KLHL1: variants seen among roughly 807,000 people sequenced by gnomAD.
KLHL1 encodes the protein kelch like family member 1.
In KLHL1, 47 loss-of-function variants were observed where a neutral mutation model predicts 77.7. The observed-to-expected ratio is 0.60, with a 90% CI of 0.48 to 0.77. The LOEUF is 0.77. Among genes scored for constraint, KLHL1 ranks in the 30% least tolerant of loss-of-function variants. KLHL1 has a pLI of 0.00. For missense variants in KLHL1, 925 were observed against 910.8 expected, an observed-to-expected ratio of 1.02 and a Z score of -0.20; for synonymous variants, 360 against 325.2, an observed-to-expected ratio of 1.11 and a Z score of -1.15.
At chr13:69,818,217 A>ATTTTTTTTTTTTTTTTTTTTTT (rs1878195724) in intron 6 of KLHL1, among the ~76,000 whole-genome samples, 1 of 124,430 alleles carries the variant, frequency 8.0e-6, no homozygotes, top group African/African-American at 3.9e-5. Flanking sequence ...ACTCATAGGC[A>ATTTTTTTTTTTTTTTTTTTTTT]TCTTTTTTTT....
intron 8 of KLHL1, among the ~76,000 whole-genome samples, chr13:69,727,929 A>C (rs1190161841): frequency 6.6e-6 from 1 of 151,870 alleles, no homozygotes; most frequent in Admixed American, 6.6e-5. Context: ...ACTCCCTGCC[A>C]AACTTAAATT....
chr13:69,935,876 A>C (rs17085700), intron 4 of KLHL1, among the ~76,000 whole-genome samples: 6,003 of 152,288 alleles, frequency 0.039, 253 homozygotes, highest in African/African-American at 0.1. Context: ...ATGTATTACA[A>C]GATACTAGAC....
At chr13:70,088,508 C>A (rs1329906030) in intron 1 of KLHL1, among the ~76,000 whole-genome samples, 1 of 152,086 alleles carries the variant, frequency 6.6e-6, no homozygotes, top group Non-Finnish European at 1.5e-5. Flanking sequence ...AACAAGACTT[C>A]AACTCTATAA....
At chr13:70,043,053 G>A (rs1886414082) in intron 1 of KLHL1, among the ~76,000 whole-genome samples, 1 of 152,108 alleles carries the variant, frequency 6.6e-6, no homozygotes, top group African/African-American at 2.4e-5. Flanking sequence ...TTATAGGCGT[G>A]AGCCACCACG....
intron 7 of KLHL1, among the ~76,000 whole-genome samples, chr13:69,776,803 GTTAAA>G (rs1875849910): frequency 6.6e-6 from 1 of 152,162 alleles, no homozygotes; most frequent in African/African-American, 2.4e-5. Flanking sequence ...AACTTCTGTA[GTTAAA>G]TTAATATTTT....
At chr13:69,874,952 G>A (rs139265354) in intron 5 of KLHL1, among the ~76,000 whole-genome samples, 1 of 152,042 alleles carries the variant, frequency 6.6e-6, no homozygotes. Context: ...AGAAATTTAG[G>A]ACTACAGGTA....
At chr13:69,874,271 T>C (rs1170590599) in intron 5 of KLHL1, among the ~76,000 whole-genome samples, 1 of 152,158 alleles carries the variant, frequency 6.6e-6, no homozygotes, top group Admixed American at 6.6e-5. Flanking sequence ...TTGGTACTAA[T>C]GGACTATATA....
intron 5 of KLHL1, among the ~76,000 whole-genome samples, chr13:69,842,917 A>T (rs1247819944): frequency 6.6e-6 from 1 of 151,680 alleles, no homozygotes; most frequent in African/African-American, 2.4e-5. Context: ...TCATTATCTT[A>T]AGTGAAATAA....
chr13:69,705,909 A>G (rs1875605043), intron 10 of KLHL1, among the ~76,000 whole-genome samples: 1 of 151,746 alleles, frequency 6.6e-6, no homozygotes, highest in Admixed American at 6.6e-5. Context: ...TATTATAAAT[A>G]TGTATTCAGA....
At chr13:70,040,394 A>C (rs1886346535) in intron 1 of KLHL1, among the ~76,000 whole-genome samples, 1 of 152,040 alleles carries the variant, frequency 6.6e-6, no homozygotes. Context: ...AGAAGCACAA[A>C]CCTCAGCATC....
intron 5 of KLHL1, among the ~76,000 whole-genome samples, chr13:69,852,595 T>C (rs1879734698): frequency 6.6e-6 from 1 of 152,000 alleles, no homozygotes. Context: ...TAAGAGAAGA[T>C]GGAGAAAAAA....
intron 5 of KLHL1, among the ~76,000 whole-genome samples, chr13:69,849,082 T>TTTCATTCC (rs1193511334): frequency 2.6e-5 from 4 of 151,658 alleles, no homozygotes; most frequent in Non-Finnish European, 5.9e-5. Flanking sequence ...GCTCAGCACT[T>TTTCATTCC]TTCATTCCTT....
chr13:69,747,199 A>C (rs1262700268), intron 7 of KLHL1, among the ~76,000 whole-genome samples: 1 of 152,060 alleles, frequency 6.6e-6, no homozygotes, highest in African/African-American at 2.4e-5. Context: ...CATATTAGGA[A>C]GCTTACTCAG....
At chr13:69,914,161 T>C (rs1882338143) in intron 4 of KLHL1, among the ~76,000 whole-genome samples, 1 of 152,282 alleles carries the variant, frequency 6.6e-6, no homozygotes, top group Non-Finnish European at 1.5e-5. Flanking sequence ...GGACCTCACC[T>C]TGTGATCCTG....
chr13:69,886,758 C>A (rs1881234718), intron 4 of KLHL1, among the ~76,000 whole-genome samples: 2 of 152,086 alleles, frequency 1.3e-5, no homozygotes, highest in Admixed American at 1.3e-4. Context: ...CAAGAAATCT[C>A]TCTCTCATGG....
chr13:70,043,431 G>T (rs1212327737), intron 1 of KLHL1, among the ~76,000 whole-genome samples: 1 of 152,094 alleles, frequency 6.6e-6, no homozygotes. Context: ...AATAAATTTA[G>T]TGTAGCCAAA....
intron 8 of KLHL1, among the ~76,000 whole-genome samples, chr13:69,720,411 G>A (rs73522016): frequency 8.5e-5 from 13 of 152,084 alleles, no homozygotes; most frequent in Middle Eastern, 3.4e-3. Context: ...AATGGTTAGG[G>A]TGTGTCACAC....
intron 1 of KLHL1, among the ~76,000 whole-genome samples, chr13:69,995,311 TA>T (rs1454459082): frequency 4.0e-5 from 6 of 151,586 alleles, no homozygotes; most frequent in African/African-American, 9.7e-5. Context: ...ACTCCAGAGG[TA>T]AAAAAAATTG....
chr13:69,960,707 TTGAG>T (rs71116968), intron 3 of KLHL1, among the ~76,000 whole-genome samples: 93,615 of 151,790 alleles, frequency 0.62, 28,945 homozygotes, highest in South Asian at 0.65. Context: ...TACTTGTATA[TTGAG>T]TAACATTCAA....
Sources: gnomAD v4.1 joint callset for allele counts (sites outside exome capture counted in the v4.1 genomes callset) on GRCh38, gnomAD v4.1.1 for gene constraint, MANE v1.5 for transcripts, NCBI Gene and HGNC (gene_info 2026-07-23, HGNC 2026-07-21) for gene names.